SIPA1L1: variants seen among roughly 807,000 people sequenced by gnomAD.
SIPA1L1 encodes signal induced proliferation associated 1 like 1, also known as signal-induced proliferation-associated 1-like protein 1.
SIPA1L1 carries 26 observed loss-of-function variants against 162.7 expected under a neutral mutation model. The ratio of observed to expected loss-of-function variants is 0.16; its 90% confidence interval spans 0.12 to 0.22. The LOEUF is 0.22. Among genes scored for constraint, SIPA1L1 ranks in the 10% least tolerant of loss-of-function variants. SIPA1L1 has a pLI of 1.00. For synonymous variants in SIPA1L1, 829 were observed against 837.4 expected (o/e 0.99, Z 0.17); for missense variants, 1,874 against 2,241.0 (o/e 0.84, Z 3.31).
intron 2 of SIPA1L1, among the ~76,000 whole-genome samples, chr14:71,345,103 G>T (rs1361921362): frequency 6.6e-6 from 1 of 152,076 alleles, no homozygotes; most frequent in Non-Finnish European, 1.5e-5. Context: ...AGGTGGGAGT[G>T]GGGGAGAAGG....
In SIPA1L1 at chr14:71,425,153, G is replaced by A. The variant is rs544339316; in HGVS notation, c.-464-87590G>A. On this transcript the variant is annotated intron_variant, in intron 2 of 23. Coordinates refer to ENST00000381232, the MANE Select transcript of SIPA1L1 (RefSeq NM_001386936.1). The stretch of plus-strand genomic sequence containing the variant: ...TAATTTGAATCTTCCCTTTTTGTGT[G>A]TGTGAGTACATCTCAGTAAATATTT... Among the ~76,000 whole-genome samples, 17 of 151,900 alleles carry A rather than the reference G, an allele frequency of 1.1e-4. No individual in the cohort carries two copies. In the South Asian group the frequency reaches 3.1e-3, roughly 28 times the overall value.
At chr14:71,386,741 G>A (rs1466393856) in intron 2 of SIPA1L1, among the ~76,000 whole-genome samples, 1 of 152,150 alleles carries the variant, frequency 6.6e-6, no homozygotes, top group African/African-American at 2.4e-5. Context: ...TTTATTTTTA[G>A]TTTAAAATCA....
intron 4 of SIPA1L1, among the ~76,000 whole-genome samples, chr14:71,577,717 T>TTGTTG (rs2033290529): frequency 6.7e-6 from 1 of 149,220 alleles, no homozygotes; most frequent in Non-Finnish European, 1.5e-5. Context: ...ACTTTATGGC[T>TTGTTG]TGTTGGGCAT....
chr14:71,403,299 G>A (rs1037441586), intron 2 of SIPA1L1, among the ~76,000 whole-genome samples: 1 of 152,002 alleles, frequency 6.6e-6, no homozygotes, highest in African/African-American at 2.4e-5. Flanking sequence ...TTTGAAAAAT[G>A]TTACATAAAA....
chr14:71,734,285 C>T (rs1016285185), intron 21 of SIPA1L1, among the ~76,000 whole-genome samples: 1 of 152,244 alleles, frequency 6.6e-6, no homozygotes, highest in Non-Finnish European at 1.5e-5. Context: ...CCTTGCCAGC[C>T]TGCTGGCCGT....
At chr14:71,475,524 T>G (rs1397374806) in intron 2 of SIPA1L1, among the ~76,000 whole-genome samples, 2 of 152,184 alleles carry the variant, frequency 1.3e-5, no homozygotes, top group Non-Finnish European at 1.5e-5. Context: ...TGTCATAATT[T>G]TTGGCAAATT....
chr14:71,395,880 A>C (rs2041154609), intron 2 of SIPA1L1, among the ~76,000 whole-genome samples: 1 of 152,216 alleles, frequency 6.6e-6, no homozygotes, highest in Non-Finnish European at 1.5e-5. Context: ...TTACAACTTC[A>C]AGATTAAGGA....
chr14:71,652,211 G>A lies in SIPA1L1; in HGVS notation c.1993+1702G>A, dbSNP rs141785949. Among the ~76,000 whole-genome samples, 218 of 152,268 alleles carry A rather than the reference G, an allele frequency of 1.4e-3. 2 individuals carry two copies. The highest frequency in any genetic ancestry group is 5.0e-3 in the East Asian group (26 of 5,184). On this transcript the variant is annotated intron_variant, in intron 8 of 23. Transcript: ENST00000381232. ...CTTATTAATAGGGGCAAAAACTAGA[G>A]TCTATTCACTATGCCATTTAAACCT...
intron 2 of SIPA1L1, among the ~76,000 whole-genome samples, chr14:71,496,535 G>A (rs1204820199): frequency 1.3e-5 from 2 of 152,116 alleles, no homozygotes; most frequent in African/African-American, 4.8e-5. Flanking sequence ...ATTGCAAATG[G>A]TCTAACCTGG....
intron 19 of SIPA1L1, among the ~76,000 whole-genome samples, chr14:71,729,655 A>G (rs556006092): frequency 1.3e-5 from 2 of 152,300 alleles, no homozygotes; most frequent in East Asian, 3.9e-4. Context: ...CCCTGTGGTA[A>G]TCCTGAGAGG....
intron 4 of SIPA1L1, among the ~76,000 whole-genome samples, chr14:71,548,756 G>A (rs962234337): frequency 1.2e-4 from 18 of 151,910 alleles, no homozygotes; most frequent in Non-Finnish European, 5.9e-5. Flanking sequence ...AACCAGCTGA[G>A]CGCAGGTGGC....
At chr14:71,664,313 G>A (rs1434356196) in intron 10 of SIPA1L1, among the ~76,000 whole-genome samples, 1 of 152,154 alleles carries the variant, frequency 6.6e-6, no homozygotes, top group Non-Finnish European at 1.5e-5. Context: ...GAAAAACTTA[G>A]ACATGGGTTG....
At chr14:71,407,895 C>G (rs2042139771) in intron 2 of SIPA1L1, among the ~76,000 whole-genome samples, 1 of 152,068 alleles carries the variant, frequency 6.6e-6, no homozygotes, top group African/African-American at 2.4e-5. Flanking sequence ...GTAGGCGAAG[C>G]TAGGCTTAAA....
intron 4 of SIPA1L1, among the ~76,000 whole-genome samples, chr14:71,536,241 G>A (rs1210151228): frequency 1.3e-5 from 2 of 152,078 alleles, no homozygotes; most frequent in Non-Finnish European, 1.5e-5. Context: ...GATGGCTTCC[G>A]AGTGCTTGTT....
chr14:71,672,717 G>A, intron 12 of SIPA1L1, 95 bp downstream of exon 12: 1 of 1,328,016 alleles, frequency 7.5e-7, no homozygotes, highest in South Asian at 1.4e-5. Flanking sequence ...GTAGGGTGTT[G>A]TGAAGAACAA....
At chr14:71,515,933 A>G (rs2051682132) in intron 3 of SIPA1L1, among the ~76,000 whole-genome samples, 2 of 152,158 alleles carry the variant, frequency 1.3e-5, no homozygotes, top group African/African-American at 4.8e-5. Context: ...TGAGCCACCA[A>G]GCCTGGCCTA....
At chr14:71,633,234 C>T (rs1350477300) in intron 7 of SIPA1L1, among the ~76,000 whole-genome samples, 3 of 152,206 alleles carry the variant, frequency 2.0e-5, no homozygotes, top group Non-Finnish European at 1.5e-5. Context: ...GATTTCGGCT[C>T]ACTGCAACCT....
intron 2 of SIPA1L1, among the ~76,000 whole-genome samples, chr14:71,415,702 ATT>A (rs1000364296): frequency 6.9e-6 from 1 of 144,376 alleles, no homozygotes; most frequent in Admixed American, 6.9e-5. Context: ...TGTCTTAATT[ATT>A]TTTTTTTTTT....
chr14:71,558,515 T>A (rs1159723310), intron 4 of SIPA1L1, among the ~76,000 whole-genome samples: 1 of 152,160 alleles, frequency 6.6e-6, no homozygotes, highest in Non-Finnish European at 1.5e-5. Context: ...AACCACTCTC[T>A]CTGTTTTCAC....
Sources: gnomAD v4.1 joint callset for allele counts (sites outside exome capture counted in the v4.1 genomes callset) on GRCh38, gnomAD v4.1.1 for gene constraint, MANE v1.5 for transcripts, NCBI Gene and HGNC (gene_info 2026-07-23, HGNC 2026-07-21) for gene names.